Variants in NRXN3 observed in about 807,000 individuals in gnomAD.
NRXN3 encodes the protein neurexin 3.
NRXN3 carries 32 observed loss-of-function variants against 137.6 expected under a neutral mutation model. That is an observed-to-expected ratio of 0.23 (90% CI 0.18 to 0.31). The LOEUF is 0.31. Ranked by LOEUF, NRXN3 falls within the 10% of genes least tolerant of loss-of-function variation. The probability of loss-of-function intolerance (pLI) is 1.00; values close to 1 mark genes in which losing one functional copy is unlikely to be tolerated. For synonymous variants in NRXN3, 798 were observed against 784.5 expected (o/e 1.02, Z -0.29); for missense variants, 1,574 against 2,062.5 (o/e 0.76, Z 4.59).
chr14:78,778,768 CTTTCT>C (rs760617725), intron 8 of NRXN3, among the ~76,000 whole-genome samples: 2 of 57,430 alleles, frequency 3.5e-5, no homozygotes, highest in Admixed American at 1.9e-4. Flanking sequence ...CTCTTTCTTT[CTTTCT>C]TTCTTTCTTT....
intron 2 of NRXN3, among the ~76,000 whole-genome samples, chr14:78,262,149 C>A (rs1277545437): frequency 1.3e-5 from 2 of 152,122 alleles, no homozygotes; most frequent in Non-Finnish European, 2.9e-5. Flanking sequence ...TGTTCATTGT[C>A]ATTTGCTTGG....
chr14:79,370,088 C>T (rs1244080683), intron 15 of NRXN3, among the ~76,000 whole-genome samples: 3 of 152,146 alleles, frequency 2.0e-5, no homozygotes, highest in African/African-American at 7.2e-5. Context: ...TAAGGAAAGT[C>T]GGCCTTTGCT....
rs17109724 is a variant in NRXN3, at chr14:79,672,335, G to A, written c.3616+8386G>A. On this transcript the variant is annotated intron_variant, in intron 17 of 20. Coordinates refer to ENST00000335750, the MANE Select transcript of NRXN3 (RefSeq NM_001330195.2). ...AAAATGAATAATTAAAAATTTGAGG[G>A]TCACTTCTAGGTACAATGTAACCAG... Among the ~76,000 whole-genome samples, 1,082 of 151,988 alleles carry A rather than the reference G, an allele frequency of 7.1e-3. 11 individuals are homozygous for A. Among genetic ancestry groups the A allele is most frequent in the African/African-American group, 0.025 (1,021 of 41,476 alleles).
intron 16 of NRXN3, among the ~76,000 whole-genome samples, chr14:79,491,344 T>C (rs2096715054): frequency 6.6e-6 from 1 of 152,164 alleles, no homozygotes; most frequent in South Asian, 2.1e-4. Context: ...TTCTATTCTA[T>C]GGCACCCCTA....
intron 4 of NRXN3, among the ~76,000 whole-genome samples, chr14:78,330,468 A>T (rs2080675832): frequency 6.6e-6 from 1 of 152,052 alleles, no homozygotes; most frequent in East Asian, 1.9e-4. Context: ...TTCCACTCTA[A>T]CGCCTTTCCC....
At chr14:79,025,560 C>A (rs549829940) in intron 15 of NRXN3, among the ~76,000 whole-genome samples, 1 of 152,276 alleles carries the variant, frequency 6.6e-6, no homozygotes, top group Admixed American at 6.5e-5. Context: ...CAATTTTTCC[C>A]TCTACCGTGA....
chr14:79,282,561 A>G (rs1327179060), intron 15 of NRXN3, among the ~76,000 whole-genome samples: 1 of 152,052 alleles, frequency 6.6e-6, no homozygotes, highest in Non-Finnish European at 1.5e-5. Flanking sequence ...CCCTTTATTT[A>G]GTTTATTTCT....
intron 8 of NRXN3, among the ~76,000 whole-genome samples, chr14:78,769,662 C>G (rs184079623): frequency 3.3e-5 from 5 of 152,240 alleles, no homozygotes; most frequent in Admixed American, 3.3e-4. Context: ...AAGACTCTGA[C>G]GAGGATCGAG....
intron 15 of NRXN3, among the ~76,000 whole-genome samples, chr14:79,027,145 A>G (rs2099600001): frequency 6.6e-6 from 1 of 150,506 alleles, no homozygotes; most frequent in South Asian, 2.1e-4. Flanking sequence ...TAAAAACTTT[A>G]CTTATATCTA....
chr14:79,467,316 G>C lies in NRXN3; in HGVS notation c.3358G>C (p.Val1120Leu). ...CAGCACGCGGTCTGACCGCCTTGCC[G>C]TGGGCTTCAGCACCACTGTGAAGGA... Reference protein sequence around the residue: ...RPSTRSDRLAVGFSTTVKDGI... With the variant: ...RPSTRSDRLALGFSTTVKDGI... Residue 1120 changes from valine (V) to leucine (L), a missense_variant, in exon 16 of 21, where the codon GTG becomes CTG. Physicochemically the swap from Val to Leu is conservative, Grantham distance 32. Around this residue, in one of 5 missense-constraint regions of NRXN3, gnomAD observed 133 missense variants for 241.8 expected, o/e 0.55. Coordinates refer to ENST00000335750, the MANE Select transcript of NRXN3 (RefSeq NM_001330195.2). 6.2e-7 allele frequency: 1 copy of C among 1,613,766 alleles called. No individual in the cohort carries two copies. The highest frequency in any genetic ancestry group is 8.5e-7 in the Non-Finnish European group (1 of 1,179,646).
intron 1 of NRXN3, among the ~76,000 whole-genome samples, chr14:78,241,686 C>T (rs2067103772): frequency 6.6e-6 from 1 of 151,520 alleles, no homozygotes; most frequent in Non-Finnish European, 1.5e-5. Context: ...TCTCTTCAAT[C>T]TTGGGAAGAG....
At position 79,010,066 on chromosome 14, in the gene NRXN3, T is replaced by C. The variant is rs145657892; in HGVS notation, c.3262+21925T>C. On this transcript the variant is annotated intron_variant, in intron 15 of 20. Coordinates refer to ENST00000335750, the MANE Select transcript of NRXN3 (RefSeq NM_001330195.2). Reference sequence around the variant, plus strand: ...CATATCATTGAACAACTATTATCAGTATTAGGCAATTTAGAAAACAAAAAA... The same window carrying C: ...CATATCATTGAACAACTATTATCAGCATTAGGCAATTTAGAAAACAAAAAA... Among the ~76,000 whole-genome samples, 120 of 152,328 alleles carry C rather than the reference T, an allele frequency of 7.9e-4. 2 individuals carry two copies. In the East Asian group the frequency reaches 0.011, roughly 14 times the overall value.
chr14:78,569,665 G>A (rs1321262474), intron 4 of NRXN3, among the ~76,000 whole-genome samples: 1 of 152,078 alleles, frequency 6.6e-6, no homozygotes, highest in African/African-American at 2.4e-5. Flanking sequence ...CTGGGTTCAA[G>A]CAATTCTGCT....
At chr14:78,864,328 A>C (rs542925605) in intron 10 of NRXN3, among the ~76,000 whole-genome samples, 1 of 152,156 alleles carries the variant, frequency 6.6e-6, no homozygotes, top group African/African-American at 2.4e-5. Flanking sequence ...TAAATCTTTA[A>C]CTCTATGGAT....
intron 15 of NRXN3, among the ~76,000 whole-genome samples, chr14:79,228,055 A>T (rs17094109): frequency 2.6e-5 from 4 of 152,180 alleles, no homozygotes; most frequent in African/African-American, 9.7e-5. Flanking sequence ...ATGTTATAGA[A>T]AGACCTATGC....
intron 15 of NRXN3, among the ~76,000 whole-genome samples, chr14:79,131,948 C>T (rs1306163318): frequency 6.6e-6 from 1 of 152,222 alleles, no homozygotes; most frequent in Non-Finnish European, 1.5e-5. Flanking sequence ...TTTCCAGGTG[C>T]TGTCTGTCAC....
chr14:78,223,103 G>A (rs1190082571), intron 1 of NRXN3, among the ~76,000 whole-genome samples: 1 of 152,206 alleles, frequency 6.6e-6, no homozygotes, highest in Non-Finnish European at 1.5e-5. Context: ...CCAGAGGGTT[G>A]CATGACTTCA....
intron 4 of NRXN3, among the ~76,000 whole-genome samples, chr14:78,417,569 A>T (rs2093210999): frequency 6.6e-6 from 1 of 152,224 alleles, no homozygotes; most frequent in Non-Finnish European, 1.5e-5. Context: ...CATCTTAATA[A>T]TATGGGTATC....
intron 15 of NRXN3, among the ~76,000 whole-genome samples, chr14:79,014,628 G>A (rs1468541455): frequency 6.6e-6 from 1 of 152,142 alleles, no homozygotes; most frequent in Non-Finnish European, 1.5e-5. Flanking sequence ...CCAATAATGG[G>A]ATTGCTGGCT....
Sources: gnomAD v4.1 joint callset for allele counts (sites outside exome capture counted in the v4.1 genomes callset) on GRCh38, gnomAD v4.1.1 for gene constraint, gnomAD v4.1.1 regional missense constraint, MANE v1.5 for transcripts, NCBI Gene and HGNC (gene_info 2026-07-23, HGNC 2026-07-21) for gene names.